The following AIM2 variants were observed in gnomAD, a reference collection of about 807,000 sequenced individuals.
AIM2 encodes the protein absent in melanoma 2.
Under a neutral mutation model 27.7 loss-of-function variants are expected in AIM2, and 30 were observed. That is an observed-to-expected ratio of 1.08 (90% confidence interval 0.81 to 1.47). AIM2 has a LOEUF of 1.47. AIM2 is among the 40% of genes most tolerant of loss of function. The pLI, the probability that AIM2 is intolerant of heterozygous loss-of-function variation, is 0.00. For missense variants in AIM2, 358 were observed against 411.3 expected (o/e 0.87, Z 1.12); for synonymous variants, 141 against 145.3 (o/e 0.97, Z 0.21).
Position 159,113,281 on chromosome 1 carries a change from A to T in AIM2, c.-16+27150T>A, listed in dbSNP as rs545926331. Among the ~76,000 whole-genome samples, 13 of 152,286 alleles carry T rather than the reference A, an allele frequency of 8.5e-5. No individual in the cohort carries two copies. The East Asian group carries it at 2.5e-3, about 29-fold the overall frequency. ...TACATGATAGGCATTTTGTCATATC[A>T]TTGTTATCTTTTATTTAGGAACTCT... is the stretch of plus-strand genomic sequence containing the variant. On this transcript the variant is annotated intron_variant, in intron 1 of 2. Transcript: ENST00000368129.
At chr1:159,094,675 G>A (rs557805411) in intron 1 of AIM2, among the ~76,000 whole-genome samples, 3 of 152,292 alleles carry the variant, frequency 2.0e-5, no homozygotes, top group South Asian at 2.1e-4. Flanking sequence ...TCCAGCCTGG[G>A]CGACAGAGCG....
chr1:159,064,393 G>A (rs1570936190), intron 4 of AIM2, among the ~76,000 whole-genome samples: 1 of 152,240 alleles, frequency 6.6e-6, no homozygotes, highest in South Asian at 2.1e-4. Context: ...AGAAGATGGA[G>A]CTTCTCCAGG....
chr1:159,139,769 A>G (rs1648076588), intron 1 of AIM2, among the ~76,000 whole-genome samples: 1 of 152,076 alleles, frequency 6.6e-6, no homozygotes, highest in South Asian at 2.1e-4. Context: ...GGGCACACAT[A>G]CCCGCCCTGT....
At chr1:159,136,741 TG>T (rs1303283545) in intron 1 of AIM2, among the ~76,000 whole-genome samples, 1 of 152,256 alleles carries the variant, frequency 6.6e-6, no homozygotes, top group Non-Finnish European at 1.5e-5. Context: ...AAGGTCTATT[TG>T]CTACAGCTTT....
rs769408008 is a variant in AIM2, at chr1:159,068,603, G to A, written c.361C>T (p.Gln121Ter). 1.8e-5 allele frequency: 29 copies of A among 1,613,710 alleles called. No individual in the cohort carries two copies. In the South Asian group the frequency reaches 3.1e-4, roughly 17 times the overall value. Residue 121 changes from glutamine to a stop codon, truncating the protein, a stop_gained, in exon 3 of 6, where the codon CAA (glutamine) becomes TAA (stop). Transcript: ENST00000368130. LOFTEE classifies it high-confidence loss of function. Reference protein sequence around the residue: ...SAAIRNDVAKQRAAPKVSPHV... With the variant: ...SAAIRNDVAK Reference sequence around the variant, plus strand: ...GGAGAGACTTTTGGTGCAGCACGTTGCTTTGCGACATCATTTCTGATGGCT... The same window carrying A: ...GGAGAGACTTTTGGTGCAGCACGTTACTTTGCGACATCATTTCTGATGGCT...
chr1:159,106,052 C>T (rs1006401984), intron 1 of AIM2, among the ~76,000 whole-genome samples: 3 of 152,174 alleles, frequency 2.0e-5, no homozygotes, highest in Admixed American at 2.0e-4. Context: ...CTGGGCTCAG[C>T]TACAACTTTG....
chr1:159,080,789 G>T (rs1656758541), upstream of AIM2, among the ~76,000 whole-genome samples: 1 of 152,050 alleles, frequency 6.6e-6, no homozygotes, highest in Non-Finnish European at 1.5e-5. Flanking sequence ...ATAAACAAAA[G>T]AACAGTTCTG....
chr1:159,116,063 C>T lies in AIM2; in HGVS notation c.-16+24368G>A, dbSNP rs554427372. On this transcript the variant is annotated intron_variant, in intron 1 of 2. Transcript: ENST00000368129. The stretch of plus-strand genomic sequence containing the variant: ...TTCTCAAAAGAAGACATTTATGCAG[C>T]CAAAAGACACATGAAAAAATGCTCA... Among the ~76,000 whole-genome samples, 819 of 152,138 alleles carry T rather than the reference C, an allele frequency of 5.4e-3. 10 individuals carry two copies. Among genetic ancestry groups the T allele is most frequent in the African/African-American group, 0.019 (787 of 41,472 alleles).
intron 1 of AIM2, among the ~76,000 whole-genome samples, chr1:159,097,168 C>T (rs969946639): frequency 4.0e-5 from 6 of 151,896 alleles, no homozygotes; most frequent in African/African-American, 1.5e-4. Flanking sequence ...GTCTCTGAGA[C>T]CTGACATTCC....
At chr1:159,111,467 C>T (rs1657570280) in intron 1 of AIM2, among the ~76,000 whole-genome samples, 2 of 151,980 alleles carry the variant, frequency 1.3e-5, no homozygotes, top group East Asian at 1.9e-4. Context: ...GGTTTCACCT[C>T]AATTAAAAAG....
In AIM2 at chr1:159,133,617, A is replaced by C. The variant is rs1290940712; in HGVS notation, c.-16+6814T>G. ...ATCACCCTTGACTTCCATGTCACAT[A>C]ATCTAGTGGATACATTTTAGTTATC... On this transcript the variant is annotated intron_variant, in intron 1 of 2. Transcript: ENST00000368129. Among the ~76,000 whole-genome samples the C allele has an allele frequency of 2.0e-5, 3 of 152,172 alleles. No individual in the cohort carries two copies. The East Asian group carries it at 5.8e-4, about 29-fold the overall frequency.
intron 1 of AIM2, among the ~76,000 whole-genome samples, chr1:159,115,512 C>G (rs1049405920): frequency 9.9e-5 from 15 of 152,150 alleles, no homozygotes; most frequent in Admixed American, 3.3e-4. Context: ...CAGAACACAG[C>G]CCTCAGGAAT....
chr1:159,085,223 C>T (rs938384147), intron 1 of AIM2, among the ~76,000 whole-genome samples: 3 of 152,080 alleles, frequency 2.0e-5, no homozygotes, highest in Admixed American at 6.6e-5. Flanking sequence ...GCCTAGGTCA[C>T]CTGTGTCCAT....
chr1:159,144,771 G>A (rs1044990513), upstream of AIM2, among the ~76,000 whole-genome samples: 2 of 152,088 alleles, frequency 1.3e-5, no homozygotes, highest in African/African-American at 4.8e-5. Context: ...GTGTTGCTGG[G>A]ATACATATGA....
At chr1:159,091,648 C>A (rs918685397) in intron 1 of AIM2, among the ~76,000 whole-genome samples, 4 of 152,206 alleles carry the variant, frequency 2.6e-5, no homozygotes, top group Non-Finnish European at 4.4e-5. Context: ...AGGCAGCCAG[C>A]TGAAGTCCTG....
chr1:159,069,090 T>C (rs1255371019), intron 2 of AIM2, among the ~76,000 whole-genome samples: 1 of 151,186 alleles, frequency 6.6e-6, no homozygotes, highest in Non-Finnish European at 1.5e-5. Flanking sequence ...CAGTGAGTCA[T>C]GATTGCACCA....
chr1:159,124,614 T>C (rs570382973), intron 1 of AIM2, among the ~76,000 whole-genome samples: 2 of 152,354 alleles, frequency 1.3e-5, no homozygotes, highest in East Asian at 3.9e-4. Context: ...TCTTTCTTCA[T>C]GTGGCATGAC....
At chr1:159,129,055 A>C (rs1417677199) in intron 1 of AIM2, among the ~76,000 whole-genome samples, 2 of 152,170 alleles carry the variant, frequency 1.3e-5, no homozygotes, top group Non-Finnish European at 2.9e-5. Context: ...CATCTTGCAG[A>C]TGTAATTAAT....
At chr1:159,101,686 G>C (rs1453530706) in intron 1 of AIM2, among the ~76,000 whole-genome samples, 3 of 152,172 alleles carry the variant, frequency 2.0e-5, no homozygotes, top group Non-Finnish European at 2.9e-5. Flanking sequence ...ATGGAGATGA[G>C]GAACTTCTTG....
Sources: allele counts gnomAD v4.1 joint callset (sites outside exome capture counted in the v4.1 genomes callset), GRCh38; gene constraint gnomAD v4.1.1; transcripts MANE v1.5; gene names NCBI Gene and HGNC (gene_info 2026-07-23, HGNC 2026-07-21).